The following CCDC152 variants were observed in gnomAD, a reference collection of about 807,000 sequenced individuals.
CCDC152 encodes coiled-coil domain-containing protein 152.
Under a neutral mutation model 38.1 loss-of-function variants are expected in CCDC152, and 37 were observed. That is an observed-to-expected ratio of 0.97 (90% CI 0.75 to 1.28). The LOEUF (loss-of-function observed/expected upper bound fraction) is 1.28, where lower values mean the gene tolerates loss of function less well. Among genes scored for constraint, CCDC152 ranks in the 50% most tolerant of loss-of-function variants. The pLI is 0.00. For synonymous variants in CCDC152, 83 were observed against 87.1 expected (o/e 0.95, Z 0.26); for missense variants, 259 against 292.1 (o/e 0.89, Z 0.83).
At chr5:42,790,410 C>T (rs1279480432) in intron 6 of CCDC152, among the ~76,000 whole-genome samples, 2 of 152,158 alleles carry the variant, frequency 1.3e-5, no homozygotes, top group African/African-American at 4.8e-5. Flanking sequence ...TTGATAATGC[C>T]AAATGGAGCA....
At chr5:42,784,812 T>C (rs181047255) in intron 6 of CCDC152, among the ~76,000 whole-genome samples, 1 of 152,204 alleles carries the variant, frequency 6.6e-6, no homozygotes, top group Admixed American at 6.5e-5. Context: ...TAATTCTTTT[T>C]CATATGGCTA....
intron 4 of CCDC152, among the ~76,000 whole-genome samples, chr5:42,772,301 A>G (rs906343200): frequency 1.3e-5 from 2 of 152,244 alleles, no homozygotes; most frequent in African/African-American, 4.8e-5. Flanking sequence ...GCCTTAACAC[A>G]ATAAAGGCCA....
chr5:42,786,384 A>G lies in CCDC152; in HGVS notation c.430+2808A>G, dbSNP rs1759921867. ...GTTGTATGTTTCCAGGAATTTTTCC[A>G]TTTGCTCTAGATTTTCTAGTTTGTG... On this transcript the variant is annotated intron_variant, in intron 6 of 8. Coordinates refer to ENST00000361970, the MANE Select transcript of CCDC152 (RefSeq NM_001134848.2). Among the ~76,000 whole-genome samples the G allele has an allele frequency of 2.0e-5, 3 of 151,740 alleles. No individual in the cohort carries two copies. The South Asian group carries it at 6.2e-4, about 31-fold the overall frequency.
chr5:42,801,632 C>T lies in CCDC152; in HGVS notation c.*1851C>T. The T allele has an allele frequency of 2.5e-6, 1 of 397,852 alleles. No homozygotes were observed. The allele number at this position is 397,852 out of a possible 1,614,324, so 24.6% of individuals were successfully genotyped here. On this transcript the variant is annotated 3_prime_UTR_variant, in exon 9 of 9. Transcript: ENST00000361970. ...ATATCAAATCCTAAATTCAGTTGAT[C>T]TGGGCCGAGCATGGTGGCTCATGCC...
chr5:42,800,768 A>C lies in CCDC152; in HGVS notation c.*987A>C, dbSNP rs376470871. On this transcript the variant is annotated 3_prime_UTR_variant, in exon 9 of 9. Coordinates refer to ENST00000361970, the MANE Select transcript of CCDC152 (RefSeq NM_001134848.2). ...TTTTTGCCTGATTCTTTCAGCGTCAACTGGCACTGGCTTCTGTGGGTATAA... is the reference window on the plus strand; with the variant it reads ...TTTTTGCCTGATTCTTTCAGCGTCACCTGGCACTGGCTTCTGTGGGTATAA... 1 of 1,612,446 alleles carries C rather than the reference A, an allele frequency of 6.2e-7. No homozygotes were observed. Among genetic ancestry groups the C allele is most frequent in the South Asian group, 1.1e-5 (1 of 90,902 alleles).
chr5:42,793,462 C>A (rs1034641176), intron 6 of CCDC152, among the ~76,000 whole-genome samples: 2 of 151,776 alleles, frequency 1.3e-5, no homozygotes, highest in African/African-American at 4.8e-5. Context: ...TTTAAAAATA[C>A]AAAAAAACCT....
intron 3 of CCDC152, among the ~76,000 whole-genome samples, 193 bp downstream of exon 3, chr5:42,762,741 A>G (rs138129636): frequency 6.9e-4 from 105 of 152,308 alleles, no homozygotes; most frequent in Non-Finnish European, 1.2e-3. Context: ...TACCTCACCA[A>G]TGAAGAAACA....
intron 4 of CCDC152, among the ~76,000 whole-genome samples, chr5:42,775,273 C>T (rs1184216244): frequency 6.6e-6 from 1 of 151,998 alleles, no homozygotes; most frequent in East Asian, 1.9e-4. Flanking sequence ...ATAGGCATGT[C>T]ATATTCAAAC....
chr5:42,787,394 T>C (rs114234789), intron 6 of CCDC152, among the ~76,000 whole-genome samples: 35 of 152,136 alleles, frequency 2.3e-4, no homozygotes, highest in African/African-American at 8.4e-4. Flanking sequence ...TCCTGAATCA[T>C]TTTCTTGGTT....
At chr5:42,786,610 A>G in intron 6 of CCDC152, among the ~76,000 whole-genome samples, 1 of 151,816 alleles carries the variant, frequency 6.6e-6, no homozygotes, top group Non-Finnish European at 1.5e-5. Context: ...GATCCTTTGT[A>G]TGGATTTTTG....
At chr5:42,757,218 A>G (rs140569787) in intron 1 of CCDC152, among the ~76,000 whole-genome samples, 251 of 152,264 alleles carry the variant, frequency 1.6e-3, no homozygotes, top group African/African-American at 5.8e-3. Context: ...GTCCCTAAGG[A>G]CACTAGGATG....
intron 3 of CCDC152, among the ~76,000 whole-genome samples, chr5:42,766,077 A>C (rs10941587): frequency 6.6e-6 from 1 of 152,066 alleles, no homozygotes; most frequent in Non-Finnish European, 1.5e-5. Flanking sequence ...AAAAAAATCT[A>C]ATAATCCAAT....
chr5:42,801,115 C>T lies in CCDC152; in HGVS notation c.*1334C>T. 2 of 1,613,990 alleles carry T rather than the reference C, an allele frequency of 1.2e-6. No individual in the cohort carries two copies. Among genetic ancestry groups the T allele is most frequent in the South Asian group, 1.1e-5 (1 of 91,056 alleles). On this transcript the variant is annotated 3_prime_UTR_variant, in exon 9 of 9. Coordinates refer to ENST00000361970, the MANE Select transcript of CCDC152 (RefSeq NM_001134848.2). ...TCTGGGTGACCCTGCCTATGCTGAC[C>T]CTTGTGCTTATGGTGGTGATGAAGG...
chr5:42,769,081 CTACAAAAATA>C, intron 3 of CCDC152, among the ~76,000 whole-genome samples: 1 of 151,922 alleles, frequency 6.6e-6, no homozygotes. Flanking sequence ...AACGCCGTCT[CTACAAAAATA>C]TACAAAAACT....
At chr5:42,760,668 G>A (rs992052074) in intron 2 of CCDC152, among the ~76,000 whole-genome samples, 1 of 152,242 alleles carries the variant, frequency 6.6e-6, no homozygotes, top group East Asian at 1.9e-4. Flanking sequence ...TTCTTTTCTT[G>A]TAATTCTTTT....
At chr5:42,760,635 C>T (rs1239248281) in intron 2 of CCDC152, among the ~76,000 whole-genome samples, 1 of 152,170 alleles carries the variant, frequency 6.6e-6, no homozygotes, top group Non-Finnish European at 1.5e-5. Flanking sequence ...GGGAGGGAGG[C>T]TAATATCTAC....
rs973396702 is a variant in CCDC152, at chr5:42,799,667, G to A, written c.651G>A (p.Gln217=). The change falls in exon 9 of 9, where the codon CAG becomes CAA. Residue 217 remains glutamine (Q), a synonymous_variant. Coordinates refer to ENST00000361970, the MANE Select transcript of CCDC152 (RefSeq NM_001134848.2). ...TTTTTTGTTTCGTTTAGAAACTTCA[G>A]CATTTTCAAGAAGAAAAAAACAAGG... ...LPQSIYRRKL[Q]HFQEEKNKEI... 2 of 1,544,798 alleles carry A rather than the reference G, an allele frequency of 1.3e-6. No homozygotes were observed. The highest frequency in any genetic ancestry group is 1.7e-6 in the Non-Finnish European group (2 of 1,143,730).
intron 4 of CCDC152, among the ~76,000 whole-genome samples, chr5:42,778,434 G>T (rs1195811553): frequency 6.6e-6 from 1 of 152,186 alleles, no homozygotes; most frequent in Non-Finnish European, 1.5e-5. Context: ...GATCTAGCCA[G>T]TGATAAGGAT....
At chr5:42,783,772 GTCTATGGTT>G (rs1759880424) in intron 6 of CCDC152, among the ~76,000 whole-genome samples, 196 bp downstream of exon 6, 1 of 141,812 alleles carries the variant, frequency 7.1e-6, no homozygotes, top group Admixed American at 7.4e-5. Flanking sequence ...AGTTCCCAGT[GTCTATGGTT>G]TCTATCTTTA....
Sources: gnomAD v4.1 joint callset for allele counts (sites outside exome capture counted in the v4.1 genomes callset) on GRCh38, gnomAD v4.1.1 for gene constraint, MANE v1.5 for transcripts, NCBI Gene and HGNC (gene_info 2026-07-23, HGNC 2026-07-21) for gene names.